The following KHDRBS2 variants were observed in gnomAD, a reference collection of about 807,000 sequenced individuals.
KHDRBS2 encodes the protein KH RNA binding domain containing, signal transduction associated 2.
A neutral mutation model predicts 44.3 loss-of-function variants in KHDRBS2; 26 were observed. The observed-to-expected ratio is 0.59, with a 90% confidence interval of 0.43 to 0.81. KHDRBS2 has a LOEUF of 0.81. Ranked by LOEUF, KHDRBS2 falls within the 40% of genes least tolerant of loss-of-function variation. KHDRBS2 has a pLI of 0.00. For missense variants in KHDRBS2, 476 were observed against 433.1 expected (o/e 1.10, Z -0.88); for synonymous variants, 194 against 151.1 (o/e 1.28, Z -2.08).
chr6:61,729,533 T>C (rs533562234), intron 7 of KHDRBS2, among the ~76,000 whole-genome samples: 17 of 152,242 alleles, frequency 1.1e-4, no homozygotes, highest in Middle Eastern at 3.4e-3. Flanking sequence ...TCCAAAGTGG[T>C]TTACAGTTTT....
At chr6:61,684,267 A>G (rs893155033) in intron 8 of KHDRBS2, among the ~76,000 whole-genome samples, 1 of 151,878 alleles carries the variant, frequency 6.6e-6, no homozygotes, top group African/African-American at 2.4e-5. Flanking sequence ...ATTGCTCACC[A>G]GCGATATTTA....
At chr6:62,201,493 A>G (rs1327313407) in intron 1 of KHDRBS2, among the ~76,000 whole-genome samples, 4 of 152,136 alleles carry the variant, frequency 2.6e-5, no homozygotes, top group Non-Finnish European at 5.9e-5. Flanking sequence ...TATAAATAGG[A>G]GACAATGAGG....
rs9345806 is a variant in KHDRBS2, at chr6:61,950,570, G to A, written c.483+27496C>T. Reference sequence around the variant, plus strand: ...GGCTATGAAAATGTATATTTTCCATGTAATTCTCTTATCTTGATGGATTTA... The same window carrying A: ...GGCTATGAAAATGTATATTTTCCATATAATTCTCTTATCTTGATGGATTTA... On this transcript the variant is annotated intron_variant, in intron 4 of 8. Transcript: ENST00000281156. Among the ~76,000 whole-genome samples the A allele has an allele frequency of 4.9e-4, 74 of 152,028 alleles. No individual in the cohort carries two copies. In the East Asian group the frequency reaches 0.014, roughly 29 times the overall value.
chr6:61,563,614 G>A, the KHDRBS2 span, among the ~76,000 whole-genome samples: 1 of 152,040 alleles, frequency 6.6e-6, no homozygotes, highest in Non-Finnish European at 1.5e-5. Flanking sequence ...CACAGTCGAT[G>A]GAATATGGAT....
chr6:62,252,895 C>T lies in KHDRBS2; in HGVS notation c.91+32963G>A, dbSNP rs566234998. Among the ~76,000 whole-genome samples, 7 of 151,876 alleles carry T rather than the reference C, an allele frequency of 4.6e-5. No homozygotes were observed. In the East Asian group the frequency reaches 1.4e-3, roughly 29 times the overall value. On this transcript the variant is annotated intron_variant, in intron 1 of 8. Transcript: ENST00000281156. ...CTTAAGTAGAATATTAAGTAAAACC[C>T]ACAAAATAGAAACTGCATGTAAATT... is the stretch of plus-strand genomic sequence containing the variant.
At chr6:62,144,379 T>G (rs143399606) in intron 2 of KHDRBS2, among the ~76,000 whole-genome samples, 1 of 151,992 alleles carries the variant, frequency 6.6e-6, no homozygotes, top group African/African-American at 2.4e-5. Context: ...TTGACTAATA[T>G]AGTTTTGAAA....
the KHDRBS2 span, among the ~76,000 whole-genome samples, chr6:61,598,789 C>T: frequency 6.7e-6 from 1 of 148,792 alleles, no homozygotes; most frequent in South Asian, 2.1e-4. Context: ...GCAGTGACAG[C>T]CAAATTCTAA....
intron 1 of KHDRBS2, among the ~76,000 whole-genome samples, chr6:62,201,131 A>G (rs543038280): frequency 2.0e-5 from 3 of 151,968 alleles, no homozygotes; most frequent in Admixed American, 1.3e-4. Context: ...TATACCTAAT[A>G]TTAAATGGTG....
At chr6:61,576,230 T>C in the KHDRBS2 span, among the ~76,000 whole-genome samples, 1 of 152,200 alleles carries the variant, frequency 6.6e-6, no homozygotes, top group Non-Finnish European at 1.5e-5. Flanking sequence ...GAAATGTTGG[T>C]TCATTTTTTT....
the KHDRBS2 span, among the ~76,000 whole-genome samples, chr6:61,565,405 A>G: frequency 6.6e-6 from 1 of 152,140 alleles, no homozygotes; most frequent in Admixed American, 6.5e-5. Flanking sequence ...GAAAATATTT[A>G]GAAGTATTCA....
chr6:62,087,567 T>C (rs1014885716), intron 2 of KHDRBS2, among the ~76,000 whole-genome samples: 1 of 152,076 alleles, frequency 6.6e-6, no homozygotes, highest in African/African-American at 2.4e-5. Context: ...CCAAATAGGA[T>C]GAGATGGTTC....
chr6:61,999,032 C>T (rs181548861), intron 3 of KHDRBS2, among the ~76,000 whole-genome samples: 58 of 152,144 alleles, frequency 3.8e-4, no homozygotes, highest in Admixed American at 3.5e-3. Context: ...TGTTTTGAGA[C>T]TTGTTATCTT....
chr6:62,193,197 T>C (rs1824966367), intron 1 of KHDRBS2, among the ~76,000 whole-genome samples: 1 of 152,088 alleles, frequency 6.6e-6, no homozygotes, highest in Non-Finnish European at 1.5e-5. Context: ...TATATTTATA[T>C]ATGTTTTCCA....
chr6:61,581,216 A>AAATGTGCATGGCCATGCAC, the KHDRBS2 span, among the ~76,000 whole-genome samples: 1 of 152,010 alleles, frequency 6.6e-6, no homozygotes, highest in East Asian at 1.9e-4. Context: ...ATTGCCATGC[A>AAATGTGCATGGCCATGCAC]AATGTGCATG....
chr6:62,251,630 T>TC (rs965201656), intron 1 of KHDRBS2, among the ~76,000 whole-genome samples: 5 of 151,952 alleles, frequency 3.3e-5, no homozygotes, highest in Non-Finnish European at 7.4e-5. Context: ...CTGAGGAATT[T>TC]CAATAAATAA....
chr6:62,017,281 G>T (rs1278588550), intron 3 of KHDRBS2, among the ~76,000 whole-genome samples: 1 of 152,068 alleles, frequency 6.6e-6, no homozygotes, highest in East Asian at 1.9e-4. Context: ...TTGATTAAAT[G>T]ACATGATGGA....
At chr6:62,281,352 T>G (rs1440072593) in intron 1 of KHDRBS2, among the ~76,000 whole-genome samples, 2 of 152,170 alleles carry the variant, frequency 1.3e-5, no homozygotes, top group Non-Finnish European at 2.9e-5. Flanking sequence ...CCGGGCACAG[T>G]GGTTCATGCC....
intron 6 of KHDRBS2, among the ~76,000 whole-genome samples, chr6:61,844,849 TTTC>T (rs1207825053): frequency 1.3e-5 from 2 of 152,220 alleles, no homozygotes; most frequent in African/African-American, 4.8e-5. Flanking sequence ...TAATTGTTCA[TTTC>T]TTATTTCCTG....
At chr6:61,973,186 T>C (rs1480594723) in intron 4 of KHDRBS2, among the ~76,000 whole-genome samples, 5 of 152,264 alleles carry the variant, frequency 3.3e-5, no homozygotes, top group African/African-American at 7.2e-5. Flanking sequence ...TCTCAAATTA[T>C]AGCATCAATT....
Sources: gnomAD v4.1 joint callset for allele counts (sites outside exome capture counted in the v4.1 genomes callset) on GRCh38, gnomAD v4.1.1 for gene constraint, MANE v1.5 for transcripts, NCBI Gene and HGNC (gene_info 2026-07-23, HGNC 2026-07-21) for gene names.